The following RAD51B variants were observed in gnomAD, a reference collection of about 807,000 sequenced individuals.
RAD51B encodes the protein RAD51 paralog B.
RAD51B carries 38 observed loss-of-function variants against 42.2 expected under a neutral mutation model. The ratio of observed to expected loss-of-function variants is 0.90; its 90% confidence interval spans 0.70 to 1.18. The LOEUF is 1.18. Ranked by LOEUF, RAD51B falls within the 50% of genes most tolerant of loss-of-function variation. The probability of loss-of-function intolerance (pLI) is 0.00; values close to 1 mark genes in which losing one functional copy is unlikely to be tolerated. For synonymous variants in RAD51B, 154 were observed against 145.2 expected, an observed-to-expected ratio of 1.06 and a Z score of -0.43; for missense variants, 373 against 400.7, an observed-to-expected ratio of 0.93 and a Z score of 0.59.
intron 8 of RAD51B, among the ~76,000 whole-genome samples, chr14:68,340,344 T>C (rs1293526566): frequency 2.0e-5 from 3 of 152,240 alleles, no homozygotes; most frequent in Non-Finnish European, 4.4e-5. Context: ...TCTACATTGC[T>C]GAAATAAACA....
Position 68,682,909 on chromosome 14 carries a change from G to GAT in RAD51B, c.*11+32053_*11+32054insAT, listed in dbSNP as rs1299615986. The GAT allele has an allele frequency of 8.2e-6, 6 of 731,200 alleles. No individual in the cohort carries two copies. In the South Asian group the frequency reaches 3.9e-4, roughly 47 times the overall value. The allele number at this position is 731,200 out of a possible 1,614,324, so 45.3% of individuals were successfully genotyped here. A position where few individuals can be genotyped will look rare whatever the true frequency, so the allele number is the denominator to read the frequency against. On this transcript the variant is annotated intron_variant, in intron 11 of 11. Coordinates refer to the RAD51B transcript ENST00000488612. ...TTTTAATAAAAATCTGTAGCTTATG[G>GAT]CTTTTTTTTTTTTTTTTTTTTGTAT...
chr14:68,486,518 CA>C (rs1883637029), intron 10 of RAD51B, among the ~76,000 whole-genome samples: 1 of 152,204 alleles, frequency 6.6e-6, no homozygotes, highest in Non-Finnish European at 1.5e-5. Flanking sequence ...GGCTTTCTCC[CA>C]GTTCTCTGTG....
chr14:67,923,017 C>T (rs2044378633), intron 7 of RAD51B, among the ~76,000 whole-genome samples: 1 of 152,032 alleles, frequency 6.6e-6, no homozygotes, highest in Non-Finnish European at 1.5e-5. Flanking sequence ...TTTACCTCAC[C>T]TGCCTCCTGC....
downstream of RAD51B, among the ~76,000 whole-genome samples, chr14:68,478,701 A>C (rs1436565497): frequency 6.6e-6 from 1 of 152,232 alleles, no homozygotes; most frequent in Admixed American, 6.5e-5. Context: ...CTGCTCCTCC[A>C]TCAGAGATTT....
intron 8 of RAD51B, among the ~76,000 whole-genome samples, chr14:68,345,627 A>G (rs2082662237): frequency 6.6e-6 from 1 of 151,244 alleles, no homozygotes; most frequent in Non-Finnish European, 1.5e-5. Flanking sequence ...CAGAGCTGTG[A>G]GCCAATTAAG....
chr14:68,205,255 G>T (rs2079561792), intron 7 of RAD51B, among the ~76,000 whole-genome samples: 1 of 152,142 alleles, frequency 6.6e-6, no homozygotes, highest in Non-Finnish European at 1.5e-5. Flanking sequence ...AAATAATATG[G>T]TTGCAGACAA....
At chr14:67,824,000 A>G (rs1198442509) in intron 2 of RAD51B, among the ~76,000 whole-genome samples, 1 of 152,254 alleles carries the variant, frequency 6.6e-6, no homozygotes, top group Non-Finnish European at 1.5e-5. Context: ...AGCATGAGAA[A>G]TATATAGAGC....
chr14:68,403,999 T>A (rs1387049175), intron 8 of RAD51B, among the ~76,000 whole-genome samples: 3 of 152,194 alleles, frequency 2.0e-5, no homozygotes, highest in Non-Finnish European at 4.4e-5. Flanking sequence ...ATGCTTTGAC[T>A]TACCTAAAAG....
At chr14:68,559,581 T>C (rs145646595) in intron 10 of RAD51B, among the ~76,000 whole-genome samples, 2,451 of 152,086 alleles carry the variant, frequency 0.016, 49 homozygotes, top group African/African-American at 0.051. Context: ...AGTGTCACCA[T>C]GTTGGCCAGG....
chr14:67,825,540 G>A lies in RAD51B; in HGVS notation c.161G>A (p.Cys54Tyr), dbSNP rs769610411. ...LSYRGVHELLCMVSRACAPKM... is the reference protein window; with the variant it reads ...LSYRGVHELLYMVSRACAPKM... ...TATCGAGGTGTCCATGAACTTCTAT[G>A]TATGGTCAGCAGGGCCTGTGCCCCA... The change falls in exon 3 of 11, where the codon TGT becomes TAT. Residue 54 changes from cysteine (C) to tyrosine (Y), a missense_variant. Transcript: ENST00000471583. 3 of 1,613,396 alleles carry A rather than the reference G, an allele frequency of 1.9e-6. No individual in the cohort carries two copies. Among genetic ancestry groups the A allele is most frequent in the Non-Finnish European group, 2.5e-6 (3 of 1,179,574 alleles).
At chr14:68,012,003 T>G (rs961754463) in intron 7 of RAD51B, among the ~76,000 whole-genome samples, 1 of 152,122 alleles carries the variant, frequency 6.6e-6, no homozygotes, top group East Asian at 1.9e-4. Flanking sequence ...CACAGAGATA[T>G]CTATGTGGAT....
intron 10 of RAD51B, among the ~76,000 whole-genome samples, chr14:68,624,200 CAT>C (rs769989001): frequency 4.6e-5 from 7 of 152,302 alleles, no homozygotes; most frequent in East Asian, 3.9e-4. Context: ...GATTTCAGCA[CAT>C]GTTTGATGGG....
chr14:68,113,332 A>G (rs925489437), intron 7 of RAD51B, among the ~76,000 whole-genome samples: 2 of 152,170 alleles, frequency 1.3e-5, no homozygotes, highest in Non-Finnish European at 2.9e-5. Flanking sequence ...GTTTTGAACA[A>G]GTAGTTCATA....
chr14:68,419,986 C>T (rs2084658838), intron 9 of RAD51B, among the ~76,000 whole-genome samples: 1 of 152,186 alleles, frequency 6.6e-6, no homozygotes, highest in Admixed American at 6.5e-5. Flanking sequence ...TTAGCCTTTA[C>T]TGAGTACCTA....
intron 7 of RAD51B, among the ~76,000 whole-genome samples, chr14:68,139,946 G>T (rs961943893): frequency 6.6e-6 from 1 of 152,108 alleles, no homozygotes; most frequent in Non-Finnish European, 1.5e-5. Flanking sequence ...GGTGACCCTT[G>T]AAGCAGCCAC....
At chr14:67,976,568 G>T (rs1479385009) in intron 7 of RAD51B, among the ~76,000 whole-genome samples, 1 of 151,932 alleles carries the variant, frequency 6.6e-6, no homozygotes, top group Non-Finnish European at 1.5e-5. Context: ...CCATTAACTC[G>T]TCGGATTAAA....
At chr14:67,938,089 T>A (rs530728080) in intron 7 of RAD51B, among the ~76,000 whole-genome samples, 1 of 152,286 alleles carries the variant, frequency 6.6e-6, no homozygotes, top group African/African-American at 2.4e-5. Context: ...TGCTCCAGTG[T>A]GTTTCAGTTT....
chr14:67,900,598 T>TTG (rs142144274), intron 7 of RAD51B, among the ~76,000 whole-genome samples: 319 of 142,250 alleles, frequency 2.2e-3, no homozygotes, highest in South Asian at 5.0e-3. Context: ...TTCTTTCAGT[T>TTG]TGTGTGTGTG....
chr14:68,591,329 C>T (rs1006707501), intron 10 of RAD51B, among the ~76,000 whole-genome samples: 40 of 152,324 alleles, frequency 2.6e-4, no homozygotes, highest in African/African-American at 9.6e-4. Context: ...CGCTGAACAA[C>T]AGCCATCCTA....
Sources: gnomAD v4.1 joint callset for allele counts (sites outside exome capture counted in the v4.1 genomes callset) on GRCh38, gnomAD v4.1.1 for gene constraint, MANE v1.5 for transcripts, NCBI Gene and HGNC (gene_info 2026-07-23, HGNC 2026-07-21) for gene names.